LRFN5: variants seen among roughly 807,000 people sequenced by gnomAD.
The protein encoded by LRFN5 is leucine rich repeat and fibronectin type III domain containing 5, also known as leucine-rich repeat and fibronectin type-III domain-containing protein 5.
Under a neutral mutation model 45.6 loss-of-function variants are expected in LRFN5, and 24 were observed. The observed-to-expected ratio is 0.53, with a 90% CI of 0.38 to 0.74. The LOEUF is 0.74. LRFN5 is among the 30% of genes least tolerant of loss of function. LRFN5 has a pLI of 0.00. For synonymous variants in LRFN5, 340 were observed against 313.8 expected (o/e 1.08, Z -0.88); for missense variants, 776 against 861.5 (o/e 0.90, Z 1.24).
chr14:41,742,312 TACACACACAC>T (rs61109523), intron 1 of LRFN5, among the ~76,000 whole-genome samples: 4,815 of 145,240 alleles, frequency 0.033, 316 homozygotes, highest in East Asian at 0.26. Context: ...GTGGTGTGTA[TACACACACAC>T]ACACACACAC....
At chr14:41,617,294 C>T (rs1231315243) in intron 1 of LRFN5, among the ~76,000 whole-genome samples, 1 of 152,100 alleles carries the variant, frequency 6.6e-6, no homozygotes, top group Admixed American at 6.6e-5. Flanking sequence ...ATAGCTTTAT[C>T]ATGATTGTCT....
intron 2 of LRFN5, among the ~76,000 whole-genome samples, chr14:41,779,780 T>A (rs1041184395): frequency 6.6e-6 from 1 of 151,940 alleles, no homozygotes; most frequent in Non-Finnish European, 1.5e-5. Context: ...TATTACTTTA[T>A]GGTCATTCAA....
chr14:41,886,468 T>C, intron 2 of LRFN5, 138 bp from the exon 3 acceptor site: 1 of 596,696 alleles, frequency 1.7e-6, no homozygotes. Context: ...TACTACAGAA[T>C]AAATATTAAT....
chr14:41,710,300 A>G (rs901001961), intron 1 of LRFN5, among the ~76,000 whole-genome samples: 4 of 152,158 alleles, frequency 2.6e-5, no homozygotes, highest in Admixed American at 6.5e-5. Flanking sequence ...AAGGACTTCA[A>G]ATTAATGAAA....
At chr14:41,721,013 G>A (rs1883692234) in intron 1 of LRFN5, among the ~76,000 whole-genome samples, 1 of 152,022 alleles carries the variant, frequency 6.6e-6, no homozygotes, top group Non-Finnish European at 1.5e-5. Context: ...CTGTGGCTCT[G>A]TAAGTCTTTT....
intron 1 of LRFN5, among the ~76,000 whole-genome samples, chr14:41,710,575 T>C (rs1199771296): frequency 1.3e-5 from 2 of 148,632 alleles, no homozygotes; most frequent in Admixed American, 1.4e-4. Flanking sequence ...CTACTTTAGA[T>C]TGAAAAAGGG....
At chr14:41,747,113 A>G (rs994631761) in intron 1 of LRFN5, among the ~76,000 whole-genome samples, 4 of 152,044 alleles carry the variant, frequency 2.6e-5, no homozygotes, top group African/African-American at 7.2e-5. Context: ...ATATTAAAAC[A>G]TCAGTATTAC....
intron 1 of LRFN5, among the ~76,000 whole-genome samples, chr14:41,665,997 T>C (rs578118749): frequency 3.3e-5 from 5 of 152,176 alleles, no homozygotes; most frequent in Admixed American, 3.3e-4. Flanking sequence ...TGTGTATTAG[T>C]GTATGAATAT....
chr14:41,857,294 A>G (rs774481953), intron 2 of LRFN5, among the ~76,000 whole-genome samples: 31 of 152,168 alleles, frequency 2.0e-4, no homozygotes, highest in Admixed American at 4.6e-4. Flanking sequence ...ATGGAGCCCA[A>G]ATAATTTGGC....
chr14:41,773,813 T>A (rs1886179315), intron 2 of LRFN5, among the ~76,000 whole-genome samples: 1 of 152,218 alleles, frequency 6.6e-6, no homozygotes, highest in Non-Finnish European at 1.5e-5. Flanking sequence ...GAGACAGGCT[T>A]CAGCATTAAA....
At chr14:41,832,193 A>G (rs913423025) in intron 2 of LRFN5, among the ~76,000 whole-genome samples, 2 of 152,060 alleles carry the variant, frequency 1.3e-5, no homozygotes, top group African/African-American at 4.8e-5. Context: ...TTTCTTGCCT[A>G]GTGTGGTGAC....
At chr14:41,780,659 A>T (rs1298935335) in intron 2 of LRFN5, among the ~76,000 whole-genome samples, 1 of 152,140 alleles carries the variant, frequency 6.6e-6, no homozygotes, top group East Asian at 1.9e-4. Flanking sequence ...TGAAGAATTT[A>T]GATCATTCAT....
intron 1 of LRFN5, among the ~76,000 whole-genome samples, chr14:41,756,340 G>C (rs1051453820): frequency 2.0e-5 from 3 of 152,156 alleles, no homozygotes; most frequent in African/African-American, 7.2e-5. Flanking sequence ...AAGTTCTCCT[G>C]GATAATATCC....
At chr14:41,753,049 C>T (rs1230918805) in intron 1 of LRFN5, among the ~76,000 whole-genome samples, 1 of 152,150 alleles carries the variant, frequency 6.6e-6, no homozygotes, top group Non-Finnish European at 1.5e-5. Context: ...TTGTTTTTGT[C>T]AGATTTGTCA....
chr14:41,690,274 G>C (rs1423530951), intron 1 of LRFN5, among the ~76,000 whole-genome samples: 1 of 152,242 alleles, frequency 6.6e-6, no homozygotes, highest in East Asian at 1.9e-4. Context: ...TTTTGGCCAG[G>C]TGCAGTGGCT....
At chr14:41,802,895 T>A (rs1448718269) in intron 2 of LRFN5, among the ~76,000 whole-genome samples, 1 of 152,110 alleles carries the variant, frequency 6.6e-6, no homozygotes, top group Non-Finnish European at 1.5e-5. Context: ...GAAAGGGAAT[T>A]GTATATTACT....
At chr14:41,893,650 T>C (rs1232101997) in intron 4 of LRFN5, 1 of 985,222 alleles carries the variant, frequency 1.0e-6, no homozygotes, top group Non-Finnish European at 1.2e-6. Flanking sequence ...TCAGTTACTG[T>C]TAACTTGACA....
chr14:41,762,121 T>C (rs1170819113), intron 1 of LRFN5, among the ~76,000 whole-genome samples: 1 of 147,214 alleles, frequency 6.8e-6, no homozygotes, highest in Non-Finnish European at 1.5e-5. Context: ...CTACCCACCC[T>C]CTGTCTTCAC....
chr14:41,757,033 G>C (rs980721579), intron 1 of LRFN5, among the ~76,000 whole-genome samples: 10 of 152,300 alleles, frequency 6.6e-5, no homozygotes, highest in African/African-American at 2.4e-4. Flanking sequence ...TCCAGATCCT[G>C]TTTGCCTGGG....
Sources: allele counts gnomAD v4.1 joint callset (sites outside exome capture counted in the v4.1 genomes callset), GRCh38; gene constraint gnomAD v4.1.1; transcripts MANE v1.5; gene names NCBI Gene and HGNC (gene_info 2026-07-23, HGNC 2026-07-21).